TYW1B: variants seen among roughly 807,000 people sequenced by gnomAD.
TYW1B encodes the protein S-adenosyl-L-methionine-dependent tRNA 4-demethylwyosine synthase TYW1B.
TYW1B carries 73 observed loss-of-function variants against 86.9 expected under a neutral mutation model. The ratio of observed to expected loss-of-function variants is 0.84; its 90% confidence interval spans 0.70 to 1.02. TYW1B has a LOEUF of 1.02. TYW1B is among the 50% of genes least tolerant of loss of function. The pLI is 0.00. For synonymous variants in TYW1B, 248 were observed against 292.8 expected, an observed-to-expected ratio of 0.85 and a Z score of 1.56; for missense variants, 637 against 827.4, an observed-to-expected ratio of 0.77 and a Z score of 2.82.
At chr7:72,753,735 T>C (rs35147570) in intron 7 of TYW1B, among the ~76,000 whole-genome samples, 102,893 of 151,584 alleles carry the variant, frequency 0.68, 35,948 homozygotes, top group Non-Finnish European at 0.77. Context: ...CATCTCAGCC[T>C]CCCAAAGTGC....
rs543503865 is a variant in TYW1B at position 72,805,591 on chromosome 7, G to A, written c.723+1475C>T. 5.3e-5 allele frequency among the ~76,000 whole-genome samples: 8 copies of A among 151,294 alleles called. No individual in the cohort carries two copies. In the South Asian group the frequency reaches 8.4e-4, roughly 16 times the overall value. On this transcript the variant is annotated intron_variant, in intron 5 of 13. Transcript: ENST00000620995. ...TCATACCGTTGTACTCTGACTGGGG[G>A]TGACAGAATGAGACCCTTTCTCAAA...
chr7:72,693,063 T>G (rs1814212013), intron 11 of TYW1B, among the ~76,000 whole-genome samples: 1 of 152,036 alleles, frequency 6.6e-6, no homozygotes, highest in Non-Finnish European at 1.5e-5. Context: ...CAAGCAGATC[T>G]CAGATGCCAT....
At chr7:72,736,550 A>G (rs1787199986) in intron 8 of TYW1B, among the ~76,000 whole-genome samples, 1 of 152,194 alleles carries the variant, frequency 6.6e-6, no homozygotes, top group African/African-American at 2.4e-5. Context: ...TTTTACATGC[A>G]TCCATGACCA....
intron 12 of TYW1B, among the ~76,000 whole-genome samples, chr7:72,628,098 C>T (rs1405142598): frequency 1.3e-5 from 2 of 152,036 alleles, no homozygotes; most frequent in Non-Finnish European, 2.9e-5. Context: ...TTGAGACCAG[C>T]CTGGGCAAAA....
intron 6 of TYW1B, among the ~76,000 whole-genome samples, chr7:72,780,989 A>G (rs1195428750): frequency 1.3e-5 from 2 of 151,852 alleles, no homozygotes; most frequent in Admixed American, 1.3e-4. Flanking sequence ...CCTAAACAGA[A>G]ATAAATAAGA....
At chr7:72,597,221 TTGAA>T (rs1811557517) in intron 13 of TYW1B, among the ~76,000 whole-genome samples, 1 of 151,610 alleles carries the variant, frequency 6.6e-6, no homozygotes, top group Non-Finnish European at 1.5e-5. Context: ...AATTCATAGA[TTGAA>T]TAAGAAATCA....
chr7:72,585,887 C>T (rs1811263230), intron 13 of TYW1B, among the ~76,000 whole-genome samples: 1 of 152,122 alleles, frequency 6.6e-6, no homozygotes, highest in Non-Finnish European at 1.5e-5. Context: ...ATTCTAGATG[C>T]TTTTTATACT....
intron 13 of TYW1B, among the ~76,000 whole-genome samples, chr7:72,590,340 C>T (rs1811368721): frequency 6.6e-6 from 1 of 152,150 alleles, no homozygotes; most frequent in East Asian, 1.9e-4. Context: ...AGAACACTGT[C>T]TTCAAAATAT....
intron 11 of TYW1B, among the ~76,000 whole-genome samples, chr7:72,631,111 A>T (rs1412636382): frequency 2.0e-5 from 3 of 152,144 alleles, no homozygotes; most frequent in African/African-American, 7.2e-5. Flanking sequence ...GAATGAGCAA[A>T]TCAAACGCCA....
At chr7:72,820,600 A>G (rs1554480286) in intron 2 of TYW1B, among the ~76,000 whole-genome samples, 2 of 152,144 alleles carry the variant, frequency 1.3e-5, no homozygotes, top group Non-Finnish European at 2.9e-5. Context: ...CAAAGATCAC[A>G]TAGCAAGAGA....
chr7:72,722,708 T>C (rs1276306031), intron 9 of TYW1B, among the ~76,000 whole-genome samples: 1 of 152,188 alleles, frequency 6.6e-6, no homozygotes, highest in Non-Finnish European at 1.5e-5. Flanking sequence ...ACTGGCCACT[T>C]AGCTCCAGTT....
chr7:72,652,380 A>AAC (rs1813085379), intron 11 of TYW1B, among the ~76,000 whole-genome samples: 1 of 136,878 alleles, frequency 7.3e-6, no homozygotes, highest in African/African-American at 3.2e-5. Context: ...TCTGTCTGAA[A>AAC]AAAAAAAAAA....
chr7:72,668,463 T>A (rs1436320176), intron 11 of TYW1B, among the ~76,000 whole-genome samples: 7 of 152,208 alleles, frequency 4.6e-5, no homozygotes, highest in Non-Finnish European at 7.3e-5. Context: ...GTTAAGACCA[T>A]TTCCCATTTT....
At chr7:72,798,434 A>C (rs1554474991) in intron 6 of TYW1B, among the ~76,000 whole-genome samples, 2 of 152,100 alleles carry the variant, frequency 1.3e-5, no homozygotes, top group Non-Finnish European at 2.9e-5. Flanking sequence ...ATAAAATCCA[A>C]CACCACTTGG....
At chr7:72,666,833 C>G (rs1471463164) in intron 11 of TYW1B, among the ~76,000 whole-genome samples, 15 of 151,768 alleles carry the variant, frequency 9.9e-5, no homozygotes, top group Admixed American at 7.9e-4. Context: ...AGATCAAGAC[C>G]ATCCTGGCTA....
intron 7 of TYW1B, among the ~76,000 whole-genome samples, chr7:72,750,966 C>T (rs1217474678): frequency 1.3e-5 from 2 of 152,038 alleles, no homozygotes; most frequent in East Asian, 1.9e-4. Flanking sequence ...TAAACTGCCA[C>T]GCAATCTCTA....
rs1299630726 is a variant in TYW1B at position 72,804,190 on chromosome 7, CAGG to C, written c.724-1671_724-1669del. 5.3e-5 allele frequency among the ~76,000 whole-genome samples: 8 copies of C among 149,662 alleles called. No individual in the cohort carries two copies. In the South Asian group the frequency reaches 1.7e-3, roughly 31 times the overall value. On this transcript the variant is annotated intron_variant, in intron 5 of 13. Coordinates refer to ENST00000620995, the MANE Select transcript of TYW1B (RefSeq NM_001145440.3). ...GTCCCAGCTACTCCAAAGGCTGAGACAGGAGAATTGCTTGAACCCAGGAGGTGG... is the reference window on the plus strand; with the variant it reads ...GTCCCAGCTACTCCAAAGGCTGAGACAGAATTGCTTGAACCCAGGAGGTGG...
chr7:72,653,441 T>A (rs562883878), intron 11 of TYW1B, among the ~76,000 whole-genome samples: 1 of 151,618 alleles, frequency 6.6e-6, no homozygotes, highest in Non-Finnish European at 1.5e-5. Context: ...CCCCGTCTCT[T>A]CTAAAAATAC....
At chr7:72,779,616 C>T (rs1788015350) in intron 6 of TYW1B, among the ~76,000 whole-genome samples, 1 of 147,468 alleles carries the variant, frequency 6.8e-6, no homozygotes, top group Admixed American at 7.1e-5. Flanking sequence ...ACCAGGGAGG[C>T]TGAGGCAGGA....
Sources: allele counts gnomAD v4.1 joint callset (sites outside exome capture counted in the v4.1 genomes callset), GRCh38; gene constraint gnomAD v4.1.1; transcripts MANE v1.5; gene names NCBI Gene and HGNC (gene_info 2026-07-23, HGNC 2026-07-21).